The following PAQR5 variants were observed in gnomAD, a reference collection of about 807,000 sequenced individuals.
PAQR5 encodes the protein progestin and adipoQ receptor family member 5.
PAQR5 carries 20 observed loss-of-function variants against 34.5 expected under a neutral mutation model. The observed-to-expected ratio is 0.58, with a 90% CI of 0.41 to 0.84. The LOEUF is 0.84. Ranked by LOEUF, PAQR5 falls within the 40% of genes least tolerant of loss-of-function variation. The pLI is 0.00. For synonymous variants in PAQR5, 131 were observed against 155.6 expected, an observed-to-expected ratio of 0.84 and a Z score of 1.18; for missense variants, 378 against 412.7, an observed-to-expected ratio of 0.92 and a Z score of 0.73.
intron 7 of PAQR5, among the ~76,000 whole-genome samples, chr15:69,398,487 G>A (rs1214613349): frequency 6.6e-6 from 1 of 152,140 alleles, no homozygotes; most frequent in African/African-American, 2.4e-5. Flanking sequence ...TAGGCTCTGC[G>A]GTGCCTGTCC....
chr15:69,399,734 T>G (rs1329563938), intron 7 of PAQR5, among the ~76,000 whole-genome samples: 1 of 152,224 alleles, frequency 6.6e-6, no homozygotes, highest in Middle Eastern at 3.2e-3. Flanking sequence ...TGAAATACAA[T>G]AGTCTCGAGT....
Position 69,390,348 on chromosome 15 carries a change from A to ATTTTTT in PAQR5, c.512+571_512+572insTTTTTT, listed in dbSNP as rs67519047. On this transcript the variant is annotated intron_variant, in intron 6 of 8. Transcript: ENST00000395407. ...TATTTATTTATTTATTTATTTATTT[A>ATTTTTT]TTTATTTATTTATTTTTTTGAGACA... 7.0e-4 allele frequency among the ~76,000 whole-genome samples: 88 copies of ATTTTTT among 124,858 alleles called. 5 individuals are homozygous for ATTTTTT. The highest frequency in any genetic ancestry group is 4.2e-3 in the Middle Eastern group (1 of 236). 81.9% of individuals were successfully genotyped at this position (124,858 alleles called of 152,430 possible). A position where few individuals can be genotyped will look rare whatever the true frequency, so the allele number is the denominator to read the frequency against.
intron 2 of PAQR5, among the ~76,000 whole-genome samples, chr15:69,358,024 T>A (rs2055125098): frequency 6.6e-6 from 1 of 152,048 alleles, no homozygotes; most frequent in African/African-American, 2.4e-5. Flanking sequence ...GGTCTCTGGG[T>A]CTTCAGAGGC....
At position 69,300,840 on chromosome 15, in the gene PAQR5, G is replaced by A. The variant is rs1245146640; in HGVS notation, c.-277+1784G>A. The stretch of plus-strand genomic sequence containing the variant: ...CTTCCTTCCTTCCTTCCTTTAGTTC[G>A]TTTTCTTTCTTTCTTTCTTTCTTTC... On this transcript the variant is annotated intron_variant, in intron 1 of 8. Transcript: ENST00000395407. Among the ~76,000 whole-genome samples, 5 of 14,402 alleles carry A rather than the reference G, an allele frequency of 3.5e-4. 2 individuals carry two copies. The highest frequency in any genetic ancestry group is 6.3e-3 in the South Asian group (2 of 320). The allele number at this position is 14,402 out of a possible 152,430, so 9.4% of individuals were successfully genotyped here. A position where few individuals can be genotyped will look rare whatever the true frequency, so the allele number is the denominator to read the frequency against.
chr15:69,317,357 C>T (rs2053978160), intron 1 of PAQR5, among the ~76,000 whole-genome samples: 1 of 152,170 alleles, frequency 6.6e-6, no homozygotes, highest in Non-Finnish European at 1.5e-5. Flanking sequence ...GCTGTGGGGC[C>T]ACTTACAAGA....
rs1316811040 is a variant in PAQR5 at position 69,337,495 on chromosome 15, A to C, written c.-122A>C. On this transcript the variant is annotated 5_prime_UTR_variant, in exon 2 of 9. Transcript: ENST00000395407. ...ACAGAGTTCCTGTACAAGGTTCCTG[A>C]CCTGTGGTAAGTAAAGAACGTCACT... 6.6e-6 allele frequency: 1 copy of C among 152,192 alleles called. No individual in the cohort carries two copies. The highest frequency in any genetic ancestry group is 1.5e-5 in the Non-Finnish European group (1 of 68,036). The allele number at this position is 152,192 out of a possible 1,614,324, so 9.4% of individuals were successfully genotyped here.
chr15:69,351,139 G>A (rs2054907294), intron 2 of PAQR5, among the ~76,000 whole-genome samples: 1 of 152,216 alleles, frequency 6.6e-6, no homozygotes, highest in African/African-American at 2.4e-5. Flanking sequence ...GGCTATTATG[G>A]TGGAAATGGC....
chr15:69,364,412 C>CA (rs1428956658), intron 3 of PAQR5, among the ~76,000 whole-genome samples: 1 of 137,840 alleles, frequency 7.3e-6, no homozygotes, highest in Non-Finnish European at 1.5e-5. Flanking sequence ...ATTCTGTCTC[C>CA]AAAAACAAAA....
chr15:69,404,716 A>G lies in PAQR5; in HGVS notation c.*894A>G. ...TTCAGCATTTCAAATATGTTGCAAA[A>G]TTTAGTATCCATATGCATAAGAAGT... On this transcript the variant is annotated 3_prime_UTR_variant, in exon 9 of 9. Transcript: ENST00000395407. 2.6e-6 allele frequency: 1 copy of G among 384,198 alleles called. No homozygotes were observed. Among genetic ancestry groups the G allele is most frequent in the Non-Finnish European group, 4.6e-6 (1 of 217,538 alleles). The allele number at this position is 384,198 out of a possible 1,614,324, so 23.8% of individuals were successfully genotyped here.
At chr15:69,335,215 C>CA (rs201453846) in intron 1 of PAQR5, among the ~76,000 whole-genome samples, 171 of 120,060 alleles carry the variant, frequency 1.4e-3, no homozygotes, top group East Asian at 2.2e-3. Context: ...GACCATGTCT[C>CA]AAAAAAAAAA....
chr15:69,389,905 C>A, intron 6 of PAQR5, 125 bp downstream of exon 6: 10 of 1,110,738 alleles, frequency 9.0e-6, no homozygotes, highest in Middle Eastern at 2.5e-4. Flanking sequence ...CCTAGGACTC[C>A]GTTCCAGGTG....
At chr15:69,340,179 T>A (rs556887864) in intron 2 of PAQR5, among the ~76,000 whole-genome samples, 397 of 152,226 alleles carry the variant, frequency 2.6e-3, no homozygotes, top group Non-Finnish European at 4.8e-3. Flanking sequence ...CATTAACACC[T>A]TTTTTTCAAG....
chr15:69,323,345 A>T (rs909060709), intron 1 of PAQR5, among the ~76,000 whole-genome samples: 20 of 152,200 alleles, frequency 1.3e-4, no homozygotes, highest in African/African-American at 4.3e-4. Context: ...TATGGTGGTG[A>T]GGGAGGGATC....
intron 2 of PAQR5, among the ~76,000 whole-genome samples, chr15:69,342,255 G>T (rs1226682544): frequency 6.7e-6 from 1 of 149,378 alleles, no homozygotes; most frequent in Non-Finnish European, 1.5e-5. Context: ...GTGCCTATTG[G>T]TTGTTTGTTC....
chr15:69,322,313 C>A lies in PAQR5; in HGVS notation c.-276-15028C>A, dbSNP rs1045930354. 3.3e-5 allele frequency among the ~76,000 whole-genome samples: 5 copies of A among 149,682 alleles called. 1 individual carries two copies. The East Asian group carries it at 8.1e-4, about 24-fold the overall frequency. ...GCCATCCATGGCTAACATGGTGAAA[C>A]CCTGTCTCTACTAAAAATACAAAAA... On this transcript the variant is annotated intron_variant, in intron 1 of 8. Coordinates refer to ENST00000395407, the MANE Select transcript of PAQR5 (RefSeq NM_017705.4).
intron 1 of PAQR5, among the ~76,000 whole-genome samples, chr15:69,313,628 A>G (rs1403713493): frequency 6.6e-6 from 1 of 152,170 alleles, no homozygotes; most frequent in African/African-American, 2.4e-5. Context: ...TAGAAAAGGT[A>G]GGAAAGGGGA....
At chr15:69,380,183 T>C in intron 4 of PAQR5, 173 bp downstream of exon 4, 1 of 687,010 alleles carries the variant, frequency 1.5e-6, no homozygotes, top group Non-Finnish European at 2.5e-6. Flanking sequence ...ACATTGGGTG[T>C]GCCACTGGGA....
chr15:69,335,852 T>C (rs902854238), intron 1 of PAQR5, among the ~76,000 whole-genome samples: 5 of 152,194 alleles, frequency 3.3e-5, no homozygotes, highest in African/African-American at 1.2e-4. Flanking sequence ...TCTTACCTTA[T>C]GGTCAGACTA....
At chr15:69,350,891 G>A (rs1431984056) in intron 2 of PAQR5, among the ~76,000 whole-genome samples, 2 of 152,226 alleles carry the variant, frequency 1.3e-5, no homozygotes, top group Non-Finnish European at 2.9e-5. Context: ...GGGTAACTGT[G>A]CTTTAGGAAA....
Sources: allele counts gnomAD v4.1 joint callset (sites outside exome capture counted in the v4.1 genomes callset), GRCh38; gene constraint gnomAD v4.1.1; transcripts MANE v1.5; gene names NCBI Gene and HGNC (gene_info 2026-07-23, HGNC 2026-07-21).